The following PTPRA variants were observed in gnomAD, a reference collection of about 807,000 sequenced individuals.
PTPRA encodes the protein receptor-type tyrosine-protein phosphatase alpha.
A neutral mutation model predicts 104.8 loss-of-function variants in PTPRA; 25 were observed. That is an observed-to-expected ratio of 0.24 (90% CI 0.17 to 0.33). PTPRA has a LOEUF of 0.33. Among genes scored for constraint, PTPRA ranks in the 10% least tolerant of loss-of-function variants. The pLI, the probability that PTPRA is intolerant of heterozygous loss-of-function variation, is 1.00. For missense variants in PTPRA, 765 were observed against 1,015.3 expected (o/e 0.75, Z 3.35); for synonymous variants, 323 against 368.9 (o/e 0.88, Z 1.43).
intron 9 of PTPRA, among the ~76,000 whole-genome samples, chr20:3,000,042 T>C (rs1218226003): frequency 6.6e-6 from 1 of 151,860 alleles, no homozygotes; most frequent in Non-Finnish European, 1.5e-5. Context: ...TCCCAGCACT[T>C]TGGGAGGCTG....
chr20:2,944,257 G>A (rs1017826837), intron 2 of PTPRA, among the ~76,000 whole-genome samples: 2 of 152,038 alleles, frequency 1.3e-5, no homozygotes, highest in Admixed American at 6.6e-5. Context: ...GGCCAGGCTG[G>A]TCTCGAACTC....
At chr20:2,901,015 A>G (rs937833926) in intron 1 of PTPRA, among the ~76,000 whole-genome samples, 2 of 151,908 alleles carry the variant, frequency 1.3e-5, no homozygotes. Flanking sequence ...TCTGTTGCCC[A>G]GGCTAGAGTG....
chr20:2,896,083 A>G (rs1181782246), intron 1 of PTPRA, among the ~76,000 whole-genome samples: 1 of 151,828 alleles, frequency 6.6e-6, no homozygotes, highest in African/African-American at 2.4e-5. Flanking sequence ...GTTAAAGAAT[A>G]TGGTCTATAG....
chr20:2,940,358 A>G (rs1336321135), intron 2 of PTPRA, among the ~76,000 whole-genome samples: 3 of 148,908 alleles, frequency 2.0e-5, no homozygotes, highest in Non-Finnish European at 4.4e-5. Context: ...GTCTCGCTGT[A>G]TCGCCTAGGC....
chr20:2,988,597 T>G, intron 9 of PTPRA, 123 bp downstream of exon 9: 1 of 1,351,150 alleles, frequency 7.4e-7, no homozygotes, highest in Admixed American at 3.2e-5. Flanking sequence ...GTGAGAAATG[T>G]TTTACCAAGT....
In PTPRA at chr20:3,035,778, T is replaced by C. The variant is rs1223882605; in HGVS notation, c.2047-12T>C. 8 of 1,611,128 alleles carry C rather than the reference T, an allele frequency of 5.0e-6. 1 individual carries two copies. The highest frequency in any genetic ancestry group is 3.4e-6 in the Non-Finnish European group (4 of 1,179,952). ...GGTTACCCCTGCCTCCCTGATCCCC[T>C]TTTTTCCAAAGGAGAATAAGAGCCG... On this transcript the variant is annotated splice_polypyrimidine_tract_variant and intron_variant, in intron 21 of 23. Coordinates refer to ENST00000399903, the MANE Select transcript of PTPRA (RefSeq NM_001385305.1). The surrounding 1 kb of genome is among the most constrained non-coding windows in gnomAD (Gnocchi z 5.8).
chr20:2,865,483 C>T, the PTPRA span: 1 of 1,613,890 alleles, frequency 6.2e-7, no homozygotes, highest in Non-Finnish European at 8.5e-7. The surrounding 1 kb of genome is among the most constrained non-coding windows in gnomAD (Gnocchi z 5.2). Context: ...AGAAATCACC[C>T]ATTGGCTACC....
intron 5 of PTPRA, among the ~76,000 whole-genome samples, chr20:2,971,136 T>C (rs535685829): frequency 1.9e-4 from 29 of 152,344 alleles, no homozygotes; most frequent in African/African-American, 7.0e-4. Context: ...CCTTGTTAAT[T>C]TTATTTTTCA....
Position 2,972,115 on chromosome 20 carries a change from C to T in PTPRA, c.416-3100C>T, listed in dbSNP as rs2062216088. Among the ~76,000 whole-genome samples, 3 of 152,280 alleles carry T rather than the reference C, an allele frequency of 2.0e-5. 1 individual carries two copies. In the South Asian group the frequency reaches 6.2e-4, roughly 32 times the overall value. ...AAGTGCTGGGATTATAGGTGTGAGC[C>T]ACTGCGCCCTGCCAGTTTTTATTTA... On this transcript the variant is annotated intron_variant, in intron 5 of 23. Transcript: ENST00000399903.
At chr20:3,024,358 C>G (rs1482645678) in intron 16 of PTPRA, 114 bp from the exon 17 acceptor site, 3 of 1,141,472 alleles carry the variant, frequency 2.6e-6, no homozygotes, top group Non-Finnish European at 2.5e-6. Context: ...TCCTTTTATT[C>G]CTGCTAGGAT....
intron 7 of PTPRA, 185 bp from the exon 8 acceptor site, chr20:2,987,847 A>T (rs1600217659): frequency 1.4e-6 from 1 of 729,686 alleles, no homozygotes; most frequent in East Asian, 2.6e-5. Context: ...AAACAGGAGT[A>T]TCCCGAGGTA....
At chr20:2,891,021 C>G (rs575880917) in intron 1 of PTPRA, among the ~76,000 whole-genome samples, 1 of 152,342 alleles carries the variant, frequency 6.6e-6, no homozygotes, top group East Asian at 1.9e-4. Flanking sequence ...ACTCATCTTC[C>G]TTTTCAGCGT....
chr20:2,929,054 C>T (rs112012071), intron 2 of PTPRA, among the ~76,000 whole-genome samples: 3,578 of 152,190 alleles, frequency 0.024, 81 homozygotes, highest in Middle Eastern at 0.041. Flanking sequence ...TGGTCTCAAA[C>T]TCCTGAGCTC....
At chr20:2,917,828 G>T (rs529214812) in intron 1 of PTPRA, among the ~76,000 whole-genome samples, 1 of 151,808 alleles carries the variant, frequency 6.6e-6, no homozygotes, top group Non-Finnish European at 1.5e-5. Flanking sequence ...ACTTTAGGGC[G>T]CAGTGTAATC....
At chr20:2,875,620 T>C (rs2089670237) in intron 1 of PTPRA, among the ~76,000 whole-genome samples, 1 of 152,074 alleles carries the variant, frequency 6.6e-6, no homozygotes. Context: ...TGCTATAAGA[T>C]TGTGATAATA....
At chr20:3,027,616 C>G (rs1191172881) in intron 19 of PTPRA, 91 bp from the exon 20 acceptor site, 4 of 1,493,572 alleles carry the variant, frequency 2.7e-6, no homozygotes, top group Non-Finnish European at 3.6e-6. Context: ...TGCCTCCGAG[C>G]AGTCCCCATT....
chr20:2,952,060 C>T (rs765221966), intron 3 of PTPRA, among the ~76,000 whole-genome samples: 2 of 151,532 alleles, frequency 1.3e-5, no homozygotes, highest in South Asian at 2.1e-4. Context: ...GCAGAGGTTG[C>T]GGTGAGCCAA....
At chr20:2,924,195 A>G (rs1411758029) in intron 2 of PTPRA, among the ~76,000 whole-genome samples, 2 of 152,160 alleles carry the variant, frequency 1.3e-5, no homozygotes, top group Non-Finnish European at 2.9e-5. Context: ...AGGCGGGCAG[A>G]TCAGTTGACC....
chr20:2,912,213 C>T lies in PTPRA; in HGVS notation c.-128-10994C>T, dbSNP rs548550351. ...AGTGAGCCGAGATCACACCATTGCA[C>T]TCCAGCCTGGGTGACAGAGTAAGAC... On this transcript the variant is annotated intron_variant, in intron 1 of 23. Transcript: ENST00000399903. Among the ~76,000 whole-genome samples the T allele has an allele frequency of 5.9e-5, 9 of 152,308 alleles. 1 individual carries two copies. The highest frequency in any genetic ancestry group is 2.2e-4 in the African/African-American group (9 of 41,560).
Sources: allele counts gnomAD v4.1 joint callset (sites outside exome capture counted in the v4.1 genomes callset), GRCh38; gene constraint gnomAD v4.1.1; non-coding constraint Gnocchi (gnomAD v3.1); transcripts MANE v1.5; gene names NCBI Gene and HGNC (gene_info 2026-07-23, HGNC 2026-07-21).